MMRN1: variants seen among roughly 807,000 people sequenced by gnomAD.
MMRN1 encodes the protein multimerin-1.
MMRN1 carries 94 observed loss-of-function variants against 100.7 expected under a neutral mutation model. The observed-to-expected ratio is 0.93, with a 90% CI of 0.79 to 1.11. The LOEUF (loss-of-function observed/expected upper bound fraction) is 1.11, where lower values mean the gene tolerates loss of function less well. Ranked by LOEUF, MMRN1 falls within the 50% of genes least tolerant of loss-of-function variation. The probability of loss-of-function intolerance (pLI) is 0.00; values close to 1 mark genes in which losing one functional copy is unlikely to be tolerated. For missense variants in MMRN1, 1,606 were observed against 1,439.1 expected, an observed-to-expected ratio of 1.12 and a Z score of -1.88; for synonymous variants, 575 against 505.0, an observed-to-expected ratio of 1.14 and a Z score of -1.86.
chr4:89,883,198 C>G (rs987334301), intron 1 of MMRN1, among the ~76,000 whole-genome samples: 1 of 151,952 alleles, frequency 6.6e-6, no homozygotes, highest in Admixed American at 6.6e-5. Flanking sequence ...TGGGCTGTTA[C>G]GAATATTCTT....
intron 6 of MMRN1, among the ~76,000 whole-genome samples, chr4:89,947,921 T>C (rs924510910): frequency 1.3e-5 from 2 of 152,132 alleles, no homozygotes. Flanking sequence ...GGCGTGACCC[T>C]GGCTCACTGC....
chr4:89,911,972 A>C lies in MMRN1; in HGVS notation c.772A>C (p.Arg258=). The change falls in exon 3 of 8, where the codon AGG becomes CGG. Residue 258 remains arginine (R), a synonymous_variant. Coordinates refer to ENST00000264790, the MANE Select transcript of MMRN1 (RefSeq NM_007351.3). ...TCAGAAGATATCCAATCCTGTCTAT[A>C]GGATGCAACATAAAATTGTCACCTC... ...RSQKISNPVY[R]MQHKIVTSLD... The C allele has an allele frequency of 6.2e-7, 1 of 1,603,180 alleles. No homozygotes were observed. The highest frequency in any genetic ancestry group is 1.7e-4 in the Middle Eastern group (1 of 6,004).
chr4:89,943,621 G>GT (rs1325877244), intron 6 of MMRN1, among the ~76,000 whole-genome samples: 1 of 152,098 alleles, frequency 6.6e-6, no homozygotes, highest in African/African-American at 2.4e-5. Flanking sequence ...CAAATATTAC[G>GT]TAAGTCCTAA....
intron 5 of MMRN1, among the ~76,000 whole-genome samples, chr4:89,933,528 G>T (rs943957499): frequency 6.6e-6 from 1 of 152,174 alleles, no homozygotes; most frequent in Admixed American, 6.6e-5. Flanking sequence ...AGAAAAAGAG[G>T]TTTAATGGAC....
chr4:89,887,885 A>T (rs1045294336), intron 1 of MMRN1, among the ~76,000 whole-genome samples: 32 of 151,292 alleles, frequency 2.1e-4, no homozygotes, highest in Non-Finnish European at 3.8e-4. Context: ...CAGTCAAATT[A>T]AAAAAAAATT....
chr4:89,940,042 G>C lies in MMRN1; in HGVS notation c.3118+3244G>C, dbSNP rs1009812309. On this transcript the variant is annotated intron_variant, in intron 6 of 7. Coordinates refer to ENST00000264790, the MANE Select transcript of MMRN1 (RefSeq NM_007351.3). The stretch of plus-strand genomic sequence containing the variant: ...TCATTCATGCTATTTCTGATTCCTA[G>C]TAGGCCACTGATGATAAGATATTCT... Among the ~76,000 whole-genome samples, 4 of 152,054 alleles carry C rather than the reference G, an allele frequency of 2.6e-5. No individual in the cohort carries two copies. The East Asian group carries it at 7.7e-4, about 29-fold the overall frequency.
intron 1 of MMRN1, among the ~76,000 whole-genome samples, chr4:89,880,953 T>C (rs1720802709): frequency 6.6e-6 from 1 of 152,102 alleles, no homozygotes; most frequent in Non-Finnish European, 1.5e-5. Flanking sequence ...AAGAAGTCCA[T>C]AAAAATGTGA....
At chr4:89,948,219 C>A (rs1578506269) in intron 6 of MMRN1, among the ~76,000 whole-genome samples, 1 of 152,286 alleles carries the variant, frequency 6.6e-6, no homozygotes, top group East Asian at 1.9e-4. Flanking sequence ...CAGTGCCATT[C>A]AATCTTTAGT....
Position 89,888,331 on chromosome 4 carries a change from G to A in MMRN1, c.-248-6393G>A, listed in dbSNP as rs1720981561. Among the ~76,000 whole-genome samples, 4 of 151,746 alleles carry A rather than the reference G, an allele frequency of 2.6e-5. No homozygotes were observed. The South Asian group carries it at 8.3e-4, about 32-fold the overall frequency. The stretch of plus-strand genomic sequence containing the variant: ...AAGATATAGAATTATAAGTTGGCAA[G>A]TTATTTTTTTCCTTTGAGCACTTTA... On this transcript the variant is annotated intron_variant, in intron 1 of 8. Coordinates refer to the MMRN1 transcript ENST00000394980.
At chr4:89,889,391 C>T (rs1196822094) in intron 1 of MMRN1, among the ~76,000 whole-genome samples, 1 of 152,066 alleles carries the variant, frequency 6.6e-6, no homozygotes, top group Non-Finnish European at 1.5e-5. Context: ...GTTTCCTTCC[C>T]CACTCTGCTC....
upstream of MMRN1, among the ~76,000 whole-genome samples, chr4:89,893,916 G>A (rs1234861591): frequency 6.6e-6 from 1 of 152,156 alleles, no homozygotes; most frequent in South Asian, 2.1e-4. Flanking sequence ...ATTTGCTGGA[G>A]AAATTAAATG....
chr4:89,902,841 A>G (rs1721436359), intron 1 of MMRN1, among the ~76,000 whole-genome samples: 1 of 151,964 alleles, frequency 6.6e-6, no homozygotes, highest in Non-Finnish European at 1.5e-5. Context: ...TTAAATATCA[A>G]TTTATTTATA....
chr4:89,953,307 AT>A lies in MMRN1; in HGVS notation c.3578del (p.Leu1193Ter). The stretch of plus-strand genomic sequence containing the variant: ...ATAGGGTTTTAACTGGGGATGCCTT[AT>A]TAGAATTAAATTATGGGCAGGAAGT... The part of the protein sequence containing the change: ...CDRVLTGDAL[L>X]ELNYGQEVWL... On this transcript the variant is annotated frameshift_variant, in exon 8 of 8. Coordinates refer to ENST00000264790, the MANE Select transcript of MMRN1 (RefSeq NM_007351.3). LOFTEE classifies it high-confidence loss of function. 2 of 1,613,898 alleles carry A rather than the reference AT, an allele frequency of 1.2e-6. No homozygotes were observed.
chr4:89,898,094 G>A (rs953374524), intron 1 of MMRN1, among the ~76,000 whole-genome samples: 1 of 152,052 alleles, frequency 6.6e-6, no homozygotes, highest in African/African-American at 2.4e-5. Flanking sequence ...AATGACAATG[G>A]CATTAGAGAA....
intron 1 of MMRN1, among the ~76,000 whole-genome samples, chr4:89,902,614 G>T (rs1310969401): frequency 6.6e-6 from 1 of 151,830 alleles, no homozygotes; most frequent in Non-Finnish European, 1.5e-5. Flanking sequence ...TGGCTGTGAG[G>T]CACTCTACAG....
upstream of MMRN1, among the ~76,000 whole-genome samples, chr4:89,890,627 C>G (rs189163557): frequency 4.3e-4 from 66 of 152,190 alleles, no homozygotes; most frequent in African/African-American, 1.5e-3. Flanking sequence ...ACTTGATAAC[C>G]AGATACAGCT....
At chr4:89,907,886 C>T (rs544771852) in intron 1 of MMRN1, among the ~76,000 whole-genome samples, 1 of 147,630 alleles carries the variant, frequency 6.8e-6, no homozygotes, top group Non-Finnish European at 1.5e-5. Flanking sequence ...TGTTTTGCTG[C>T]TTTTTCTCAT....
Position 89,909,281 on chromosome 4 carries a change from G to A in MMRN1, c.629G>A (p.Trp210Ter). The A allele has an allele frequency of 2.5e-6, 4 of 1,592,706 alleles. No homozygotes were observed. In the South Asian group the frequency reaches 4.6e-5, roughly 18 times the overall value. Residue 210 changes from tryptophan (W) to a stop codon, truncating the protein, a stop_gained, in exon 2 of 8, where the codon TGG (tryptophan) becomes TAG (stop). Transcript: ENST00000264790. LOFTEE classifies it high-confidence loss of function. The stretch of plus-strand genomic sequence containing the variant: ...ACAATTATGATCTTCTTTAGGAATT[G>A]GTGTGCTTATGTACATACCAGGTTA... ...SNFETTRGKN[W>*]CAYVHTRLSP... is the part of the protein sequence containing the mutation.
intron 1 of MMRN1, among the ~76,000 whole-genome samples, chr4:89,889,594 T>C (rs1172349848): frequency 6.6e-6 from 1 of 152,250 alleles, no homozygotes; most frequent in East Asian, 1.9e-4. Context: ...CCTTCTAGCA[T>C]TGTTGATTGT....
Sources: gnomAD v4.1 joint callset for allele counts (sites outside exome capture counted in the v4.1 genomes callset) on GRCh38, gnomAD v4.1.1 for gene constraint, MANE v1.5 for transcripts, NCBI Gene and HGNC (gene_info 2026-07-23, HGNC 2026-07-21) for gene names.